KLF12: variants seen among roughly 807,000 people sequenced by gnomAD.
The protein encoded by KLF12 is KLF transcription factor 12, also known as Krueppel-like factor 12.
KLF12 carries 9 observed loss-of-function variants against 37.8 expected under a neutral mutation model. The ratio of observed to expected loss-of-function variants is 0.24; its 90% CI spans 0.14 to 0.42. The LOEUF (loss-of-function observed/expected upper bound fraction) is 0.42, where lower values mean the gene tolerates loss of function less well. Among genes scored for constraint, KLF12 ranks in the 10% least tolerant of loss-of-function variants. KLF12 has a pLI of 1.00. For missense variants in KLF12, 411 were observed against 516.0 expected, an observed-to-expected ratio of 0.80 and a Z score of 1.97; for synonymous variants, 208 against 202.1, an observed-to-expected ratio of 1.03 and a Z score of -0.25.
chr13:73,754,314 C>T (rs762440851), intron 6 of KLF12, among the ~76,000 whole-genome samples: 34 of 152,150 alleles, frequency 2.2e-4, no homozygotes, highest in Non-Finnish European at 4.0e-4. Context: ...GGCTCAATTG[C>T]ATATTGTTCT....
At chr13:74,290,873 C>G in the KLF12 span, among the ~76,000 whole-genome samples, 1 of 152,302 alleles carries the variant, frequency 6.6e-6, no homozygotes, top group African/African-American at 2.4e-5. Context: ...GCAAACGCAA[C>G]ATAGGAAAAG....
intron 1 of KLF12, among the ~76,000 whole-genome samples, chr13:74,120,710 T>C (rs2138977098): frequency 6.6e-6 from 1 of 152,034 alleles, no homozygotes. Context: ...GGCTATAACA[T>C]GTATAAGTAA....
chr13:73,725,787 T>G (rs1356919962), intron 6 of KLF12, among the ~76,000 whole-genome samples: 1 of 151,946 alleles, frequency 6.6e-6, no homozygotes, highest in African/African-American at 2.4e-5. Flanking sequence ...CTATGGTATC[T>G]TGGGCATTTA....
Position 73,692,101 on chromosome 13 carries a change from A to C in KLF12, c.*3389T>G, listed in dbSNP as rs935294176. On this transcript the variant is annotated 3_prime_UTR_variant, in exon 8 of 8. Transcript: ENST00000377669. ...ACAAATGTCCTATAGTGTTTTATAG[A>C]AACGACGCCAGGCAGAAGTATAATC... 6.6e-6 allele frequency: 1 copy of C among 152,536 alleles called. No individual in the cohort carries two copies. Among genetic ancestry groups the C allele is most frequent in the Non-Finnish European group, 1.5e-5 (1 of 68,034 alleles). 9.4% of individuals were successfully genotyped at this position (152,536 alleles called of 1,614,324 possible).
intron 1 of KLF12, among the ~76,000 whole-genome samples, chr13:74,041,294 G>A (rs1163984375): frequency 1.3e-5 from 2 of 152,134 alleles, no homozygotes; most frequent in East Asian, 3.9e-4. Context: ...GTGCCCTGTA[G>A]TATAGTTTCT....
At chr13:73,880,238 G>C (rs185044993) in intron 3 of KLF12, among the ~76,000 whole-genome samples, 100 of 152,268 alleles carry the variant, frequency 6.6e-4, no homozygotes, top group African/African-American at 2.2e-3. Context: ...ACCCCACTTA[G>C]ATATCCCTGA....
chr13:74,140,303 G>A, the KLF12 span, among the ~76,000 whole-genome samples: 2 of 152,136 alleles, frequency 1.3e-5, no homozygotes, highest in Non-Finnish European at 2.9e-5. Context: ...TGACAGGATT[G>A]CTTGAGGCCA....
At chr13:73,856,767 T>C (rs913727337) in intron 3 of KLF12, among the ~76,000 whole-genome samples, 3 of 152,106 alleles carry the variant, frequency 2.0e-5, no homozygotes, top group Admixed American at 6.6e-5. Flanking sequence ...GGTGGGCAGA[T>C]TGCTTGAGCT....
At chr13:74,177,735 G>A in the KLF12 span, among the ~76,000 whole-genome samples, 1 of 152,170 alleles carries the variant, frequency 6.6e-6, no homozygotes, top group African/African-American at 2.4e-5. Context: ...GGTGCCGATG[G>A]AGAAGAGAGG....
At chr13:73,704,264 G>C (rs1216525295) in intron 7 of KLF12, among the ~76,000 whole-genome samples, 2 of 152,178 alleles carry the variant, frequency 1.3e-5, no homozygotes, top group African/African-American at 4.8e-5. Flanking sequence ...GCCAGAGAGG[G>C]AGACAGGACA....
At chr13:73,984,010 CAGG>C (rs1211380219) in intron 2 of KLF12, among the ~76,000 whole-genome samples, 2 of 152,106 alleles carry the variant, frequency 1.3e-5, no homozygotes, top group Non-Finnish European at 2.9e-5. Flanking sequence ...GGGTGGGTCC[CAGG>C]AGCAGTGCTT....
chr13:73,914,047 A>T (rs1251072226), intron 3 of KLF12, among the ~76,000 whole-genome samples: 4 of 152,194 alleles, frequency 2.6e-5, no homozygotes, highest in African/African-American at 7.2e-5. Context: ...CCCAGCTCTG[A>T]GTCTTTAAGC....
At chr13:73,877,096 GAA>G (rs1886744848) in intron 3 of KLF12, among the ~76,000 whole-genome samples, 2 of 151,874 alleles carry the variant, frequency 1.3e-5, no homozygotes, top group African/African-American at 4.8e-5. Flanking sequence ...ATTTCTTTGG[GAA>G]ATTATACATT....
intron 6 of KLF12, among the ~76,000 whole-genome samples, chr13:73,762,732 T>C (rs980703605): frequency 3.9e-5 from 6 of 152,276 alleles, no homozygotes; most frequent in Non-Finnish European, 5.9e-5. Context: ...TTCCTCTTCA[T>C]TGCCAGCGTG....
the KLF12 span, among the ~76,000 whole-genome samples, chr13:74,235,680 C>G: frequency 6.6e-6 from 1 of 152,058 alleles, no homozygotes; most frequent in Non-Finnish European, 1.5e-5. Context: ...AAAAGCTATA[C>G]TTTCATGAGG....
At chr13:73,994,478 C>T (rs913056680) in intron 2 of KLF12, among the ~76,000 whole-genome samples, 1 of 151,572 alleles carries the variant, frequency 6.6e-6, no homozygotes, top group African/African-American at 2.4e-5. Context: ...CCCCCCACCA[C>T]CACACTTTCA....
At chr13:73,827,975 G>C (rs1883941746) in intron 4 of KLF12, among the ~76,000 whole-genome samples, 1 of 151,814 alleles carries the variant, frequency 6.6e-6, no homozygotes, top group South Asian at 2.1e-4. Context: ...TTCCTTTTGG[G>C]TTTTTCTGTT....
At chr13:74,060,058 T>A (rs1873482057) in intron 1 of KLF12, among the ~76,000 whole-genome samples, 1 of 152,192 alleles carries the variant, frequency 6.6e-6, no homozygotes, top group South Asian at 2.1e-4. Flanking sequence ...TTGTCAAAGA[T>A]CAGTTGGTTG....
At chr13:74,034,691 G>A (rs923135556) in intron 1 of KLF12, among the ~76,000 whole-genome samples, 5 of 152,150 alleles carry the variant, frequency 3.3e-5, no homozygotes, top group African/African-American at 1.2e-4. Context: ...TCTGATTCGG[G>A]TTTTATGAAG....
Sources: allele counts gnomAD v4.1 joint callset (sites outside exome capture counted in the v4.1 genomes callset), GRCh38; gene constraint gnomAD v4.1.1; transcripts MANE v1.5; gene names NCBI Gene and HGNC (gene_info 2026-07-23, HGNC 2026-07-21).